The following ERG variants were observed in gnomAD, a reference collection of about 807,000 sequenced individuals.
The protein encoded by ERG is transcriptional regulator ERG.
ERG carries 9 observed loss-of-function variants against 55.3 expected under a neutral mutation model. That is an observed-to-expected ratio of 0.16 (90% CI 0.10 to 0.28). The LOEUF is 0.28. Among genes scored for constraint, ERG ranks in the 10% least tolerant of loss-of-function variants. The pLI is 1.00. For synonymous variants in ERG, 223 were observed against 237.3 expected (o/e 0.94, Z 0.55); for missense variants, 434 against 631.6 (o/e 0.69, Z 3.35).
intron 1 of ERG, among the ~76,000 whole-genome samples, chr21:38,578,966 C>T (rs935278982): frequency 6.6e-6 from 1 of 152,146 alleles, no homozygotes; most frequent in Non-Finnish European, 1.5e-5. Context: ...GCCACTTCAT[C>T]CCAACACAGA....
At chr21:38,479,531 A>C (rs1267447789) in intron 1 of ERG, among the ~76,000 whole-genome samples, 1 of 152,184 alleles carries the variant, frequency 6.6e-6, no homozygotes, top group Non-Finnish European at 1.5e-5. Context: ...TCCTCATAAG[A>C]GGCTGAGCAG....
chr21:38,584,684 C>T (rs1223717190), intron 1 of ERG, among the ~76,000 whole-genome samples: 1 of 152,184 alleles, frequency 6.6e-6, no homozygotes, highest in Non-Finnish European at 1.5e-5. Context: ...GTAGAACCAA[C>T]ATAATTCATC....
At chr21:38,396,415 G>C (rs1052998094) in intron 6 of ERG, among the ~76,000 whole-genome samples, 1 of 152,250 alleles carries the variant, frequency 6.6e-6, no homozygotes, top group Non-Finnish European at 1.5e-5. Flanking sequence ...CTATGCAGTA[G>C]TTGTATTGTC....
intron 1 of ERG, among the ~76,000 whole-genome samples, chr21:38,446,362 T>G (rs1371748032): frequency 6.6e-6 from 1 of 152,072 alleles, no homozygotes; most frequent in Non-Finnish European, 1.5e-5. Context: ...CTCTTTTGCA[T>G]GATTTGGTGA....
intron 1 of ERG, among the ~76,000 whole-genome samples, chr21:38,638,143 C>T (rs577345538): frequency 5.3e-5 from 8 of 152,232 alleles, no homozygotes; most frequent in South Asian, 2.1e-4. Context: ...TGCGCCAGTC[C>T]GGGTGCAATG....
intron 1 of ERG, among the ~76,000 whole-genome samples, chr21:38,657,107 C>T (rs996676153): frequency 2.8e-5 from 3 of 107,136 alleles, no homozygotes; most frequent in Non-Finnish European, 5.6e-5. Flanking sequence ...ATGTCTATTT[C>T]TCTGGGATAA....
chr21:38,629,946 C>A (rs1456225818), intron 1 of ERG, among the ~76,000 whole-genome samples: 3 of 152,038 alleles, frequency 2.0e-5, no homozygotes, highest in Admixed American at 6.6e-5. Context: ...AATTATAATC[C>A]ATGTTACAAA....
chr21:38,383,718 C>T lies in ERG; in HGVS notation c.1125G>A (p.Lys375=), dbSNP rs1987559896. 2 of 1,614,166 alleles carry T rather than the reference C, an allele frequency of 1.2e-6. No homozygotes were observed. Among genetic ancestry groups the T allele is most frequent in the Non-Finnish European group, 1.7e-6 (2 of 1,180,038 alleles). The change falls in exon 10 of 10, where the codon AAG becomes AAA. Residue 375 remains lysine, a synonymous_variant. Transcript: ENST00000288319. This position sits in a 1 kb window ranked among gnomAD's most constrained non-coding sequence, Gnocchi z 5.7. ...TCCCATGGACCTTGGTCATGATGTT[C>T]TTGTCATAGTAGTAACGGAGGGCGC... is the stretch of plus-strand genomic sequence containing the variant. The part of the protein sequence containing the change: ...LSRALRYYYD[K]NIMTKVHGKR...
intron 1 of ERG, among the ~76,000 whole-genome samples, chr21:38,579,578 G>A (rs1394627838): frequency 6.6e-6 from 1 of 152,174 alleles, no homozygotes; most frequent in African/African-American, 2.4e-5. Flanking sequence ...AGGAAAGAGG[G>A]TGAAAGGCAT....
At position 38,505,165 on chromosome 21, in the gene ERG, T is replaced by C. The variant is rs372186946; in HGVS notation, c.-41+70497A>G. Among the ~76,000 whole-genome samples, 6 of 152,340 alleles carry C rather than the reference T, an allele frequency of 3.9e-5. No individual in the cohort carries two copies. The East Asian group carries it at 5.8e-4, about 15-fold the overall frequency. ...GAAATGAAGCGAAGGCAAAAAATCT[T>C]TGCCACAAATTCATTTATATTTGCA... On this transcript the variant is annotated intron_variant, in intron 2 of 8. Coordinates refer to the ERG transcript ENST00000398897.
chr21:38,499,229 A>C (rs1253947053), upstream of ERG, among the ~76,000 whole-genome samples: 1 of 152,126 alleles, frequency 6.6e-6, no homozygotes, highest in Non-Finnish European at 1.5e-5. Flanking sequence ...AGCTGGTCTC[A>C]CTCTGACAGA....
the ERG span, among the ~76,000 whole-genome samples, chr21:38,368,788 C>T: frequency 6.6e-6 from 1 of 152,246 alleles, no homozygotes; most frequent in East Asian, 1.9e-4. Flanking sequence ...CTCTGAAAGG[C>T]CCCAGTGTGT....
At chr21:38,590,667 C>T (rs1468336413) in intron 1 of ERG, among the ~76,000 whole-genome samples, 2 of 151,920 alleles carry the variant, frequency 1.3e-5, no homozygotes, top group Admixed American at 6.6e-5. Context: ...ATGTATTCAT[C>T]CATCCATCCA....
At chr21:38,611,877 G>A (rs970363873) in intron 1 of ERG, among the ~76,000 whole-genome samples, 2 of 152,168 alleles carry the variant, frequency 1.3e-5, no homozygotes, top group African/African-American at 2.4e-5. Context: ...AGAGAAGGGA[G>A]GTGAAGGCAG....
intron 6 of ERG, chr21:38,400,268 C>A: frequency 2.0e-6 from 1 of 493,046 alleles, no homozygotes. Flanking sequence ...GGGACAGATC[C>A]TTCTGTTAGT....
intron 1 of ERG, among the ~76,000 whole-genome samples, chr21:38,482,928 G>A (rs1458822262): frequency 5.9e-5 from 9 of 152,264 alleles, no homozygotes; most frequent in East Asian, 1.9e-4. Flanking sequence ...TCCACCTACC[G>A]TGGCCTCACA....
chr21:38,426,028 G>C (rs1279342264), intron 2 of ERG, among the ~76,000 whole-genome samples: 1 of 152,208 alleles, frequency 6.6e-6, no homozygotes, highest in Admixed American at 6.5e-5. Flanking sequence ...CAGTGAAGAG[G>C]GTACACTGCC....
rs78667926 is a variant in ERG at position 38,634,669 on chromosome 21, A to G, written c.-150+26989T>C. On this transcript the variant is annotated intron_variant, in intron 1 of 10. Coordinates refer to the ERG transcript ENST00000398910. ...CATGTTGCCTGCACGAAGACCCAAT[A>G]TTCCATTGTTTTTAACACAGACCTA... Among the ~76,000 whole-genome samples, 67 of 152,354 alleles carry G rather than the reference A, an allele frequency of 4.4e-4. No homozygotes were observed. In the East Asian group the frequency reaches 8.5e-3, roughly 19 times the overall value.
In ERG at chr21:38,650,651, A is replaced by T. The variant is rs184170644; in HGVS notation, c.-150+11007T>A. Among the ~76,000 whole-genome samples the T allele has an allele frequency of 1.1e-4, 16 of 149,848 alleles. No homozygotes were observed. In the East Asian group the frequency reaches 1.4e-3, roughly 13 times the overall value. ...GACTCTGTCTCAAGAAATAAAAATT[A>T]AAAAAAAAAGAGTGGCATAGTTAAA... On this transcript the variant is annotated intron_variant, in intron 1 of 10. Coordinates refer to the ERG transcript ENST00000398910.
Sources: allele counts gnomAD v4.1 joint callset (sites outside exome capture counted in the v4.1 genomes callset), GRCh38; gene constraint gnomAD v4.1.1; non-coding constraint Gnocchi (gnomAD v3.1); transcripts MANE v1.5; gene names NCBI Gene and HGNC (gene_info 2026-07-23, HGNC 2026-07-21).